Variants in SHC4 observed in about 807,000 individuals in gnomAD.
SHC4 encodes the protein SHC adaptor protein 4, also known as SHC-transforming protein 4.
A neutral mutation model predicts 69.4 loss-of-function variants in SHC4; 41 were observed. The ratio of observed to expected loss-of-function variants is 0.59; its 90% CI spans 0.46 to 0.77. SHC4 has a LOEUF of 0.77. Among genes scored for constraint, SHC4 ranks in the 30% least tolerant of loss-of-function variants. The pLI, the probability that SHC4 is intolerant of heterozygous loss-of-function variation, is 0.00. For synonymous variants in SHC4, 318 were observed against 299.3 expected, an observed-to-expected ratio of 1.06 and a Z score of -0.64; for missense variants, 777 against 783.8, an observed-to-expected ratio of 0.99 and a Z score of 0.10.
At chr15:48,907,835 T>C (rs1245895330) in intron 2 of SHC4, among the ~76,000 whole-genome samples, 1 of 150,450 alleles carries the variant, frequency 6.6e-6, no homozygotes, top group Non-Finnish European at 1.5e-5. Context: ...TGTGTGTGTG[T>C]GTGTGTATAT....
At chr15:48,957,390 G>C (rs958116648) in intron 1 of SHC4, among the ~76,000 whole-genome samples, 1 of 152,130 alleles carries the variant, frequency 6.6e-6, no homozygotes, top group African/African-American at 2.4e-5. Flanking sequence ...CAAACTCCTA[G>C]ACCTGTATTC....
At chr15:48,954,593 C>A (rs1044633810) in intron 1 of SHC4, among the ~76,000 whole-genome samples, 1 of 152,188 alleles carries the variant, frequency 6.6e-6, no homozygotes, top group African/African-American at 2.4e-5. Flanking sequence ...AGGGGACTAG[C>A]GGATAAACAT....
At chr15:48,848,763 G>A (rs1028151226) in intron 9 of SHC4, among the ~76,000 whole-genome samples, 2 of 152,072 alleles carry the variant, frequency 1.3e-5, no homozygotes, top group Non-Finnish European at 2.9e-5. Flanking sequence ...TTGAATTAAC[G>A]TTAAAATACT....
Position 48,825,148 on chromosome 15 carries a change from T to C in SHC4, c.*823A>G, listed in dbSNP as rs1567045843. On this transcript the variant is annotated 3_prime_UTR_variant, in exon 12 of 12. Coordinates refer to ENST00000332408, the MANE Select transcript of SHC4 (RefSeq NM_203349.4). ...CTTTTAAATCCATGCACTCATGAGG[T>C]TTTTTTTGTTTTTTTTGTTTTTTGT... 1 of 150,240 alleles carries C rather than the reference T, an allele frequency of 6.7e-6. No homozygotes were observed. The highest frequency in any genetic ancestry group is 2.5e-5 in the African/African-American group (1 of 40,518). The allele number at this position is 150,240 out of a possible 1,614,324, so 9.3% of individuals were successfully genotyped here. A position where few individuals can be genotyped will look rare whatever the true frequency, so the allele number is the denominator to read the frequency against.
At chr15:48,837,006 T>A (rs1898911204) in intron 10 of SHC4, among the ~76,000 whole-genome samples, 1 of 152,198 alleles carries the variant, frequency 6.6e-6, no homozygotes, top group South Asian at 2.1e-4. Context: ...GCACAATGGA[T>A]AACTTCTAAT....
In SHC4 at chr15:48,823,741, T is replaced by C. The variant is rs1898642118; in HGVS notation, c.*2230A>G. 6.6e-6 allele frequency: 1 copy of C among 152,240 alleles called. No individual in the cohort carries two copies. Among genetic ancestry groups the C allele is most frequent in the South Asian group, 2.1e-4 (1 of 4,836 alleles). The allele number at this position is 152,240 out of a possible 1,614,324, so 9.4% of individuals were successfully genotyped here. ...CCAAACATCAGACATATTCTGTCAA[T>C]TGTCACAAAGCAATAATCATTTATT... On this transcript the variant is annotated 3_prime_UTR_variant, in exon 12 of 12. Transcript: ENST00000332408.
At chr15:48,843,287 C>A in intron 10 of SHC4, 122 bp downstream of exon 10, 1 of 968,860 alleles carries the variant, frequency 1.0e-6, no homozygotes, top group East Asian at 2.4e-5. Flanking sequence ...AAGGAACCAA[C>A]CCTGCTGACA....
At chr15:48,955,419 C>T (rs900637704) in intron 1 of SHC4, among the ~76,000 whole-genome samples, 1 of 152,028 alleles carries the variant, frequency 6.6e-6, no homozygotes, top group Non-Finnish European at 1.5e-5. Context: ...TGGTTCGGTC[C>T]CTCCATATGA....
chr15:48,946,561 T>C, intron 1 of SHC4: 2 of 982,924 alleles, frequency 2.0e-6, no homozygotes, highest in Non-Finnish European at 2.4e-6. Context: ...GATTCTTACA[T>C]TTTCTGAAGA....
At chr15:48,936,156 A>C (rs1012228976) in intron 1 of SHC4, among the ~76,000 whole-genome samples, 1 of 152,110 alleles carries the variant, frequency 6.6e-6, no homozygotes, top group African/African-American at 2.4e-5. Context: ...ATTTGAATAT[A>C]TATTTTTAAA....
chr15:48,938,701 G>GC (rs80313843), intron 1 of SHC4, among the ~76,000 whole-genome samples: 34,815 of 152,018 alleles, frequency 0.23, 4,145 homozygotes, highest in East Asian at 0.42. Context: ...TACAGCAGAT[G>GC]CCCCAGCCAA....
At chr15:48,902,612 G>A (rs1294336311) in intron 2 of SHC4, among the ~76,000 whole-genome samples, 4 of 152,020 alleles carry the variant, frequency 2.6e-5, no homozygotes, top group African/African-American at 4.8e-5. Context: ...GTGCTCTCTA[G>A]GGGAAGTTGC....
intron 10 of SHC4, among the ~76,000 whole-genome samples, chr15:48,839,681 T>C (rs1039190527): frequency 2.6e-5 from 4 of 152,322 alleles, no homozygotes; most frequent in Middle Eastern, 3.4e-3. Flanking sequence ...CTTATTACTT[T>C]TCCCCCGCTA....
chr15:48,905,336 G>A (rs747451575), intron 2 of SHC4, among the ~76,000 whole-genome samples: 1 of 152,162 alleles, frequency 6.6e-6, no homozygotes, highest in Non-Finnish European at 1.5e-5. Flanking sequence ...CCTTGTGGTT[G>A]CTCCACTGAA....
rs766992250 is a variant in SHC4, at chr15:48,835,340, C to A, written c.1484-318G>T. ...AACTGCAGAGAGAGGCTCTTTATGT[C>A]CTAGGGGTTGCATGTTAAAGAGAAA... On this transcript the variant is annotated intron_variant, in intron 10 of 11. Coordinates refer to ENST00000332408, the MANE Select transcript of SHC4 (RefSeq NM_203349.4). Among the ~76,000 whole-genome samples the A allele has an allele frequency of 2.2e-4, 33 of 152,052 alleles. 1 individual carries two copies. The highest frequency in any genetic ancestry group is 4.3e-4 in the Non-Finnish European group (29 of 68,012).
intron 1 of SHC4, among the ~76,000 whole-genome samples, chr15:48,934,115 T>G (rs534194008): frequency 6.6e-6 from 1 of 152,232 alleles, no homozygotes; most frequent in African/African-American, 2.4e-5. Flanking sequence ...TCTTTTGTGC[T>G]TCAAATGACA....
At chr15:48,834,692 C>T (rs2140967148) in intron 11 of SHC4, 77 bp downstream of exon 11, 2 of 1,565,282 alleles carry the variant, frequency 1.3e-6, no homozygotes, top group Non-Finnish European at 1.7e-6. Flanking sequence ...CTATTCAATA[C>T]CAGGTTTTGG....
chr15:48,841,615 C>G (rs894249113), intron 10 of SHC4, among the ~76,000 whole-genome samples: 1 of 152,184 alleles, frequency 6.6e-6, no homozygotes, highest in African/African-American at 2.4e-5. Flanking sequence ...TAGGACAACT[C>G]CGACAGACCA....
intron 2 of SHC4, among the ~76,000 whole-genome samples, chr15:48,919,738 C>T (rs1016456710): frequency 3.9e-5 from 6 of 152,042 alleles, no homozygotes; most frequent in Admixed American, 3.9e-4. Context: ...GCTCAAATGT[C>T]CTCTCCTTAG....
Sources: allele counts gnomAD v4.1 joint callset (sites outside exome capture counted in the v4.1 genomes callset), GRCh38; gene constraint gnomAD v4.1.1; transcripts MANE v1.5; gene names NCBI Gene and HGNC (gene_info 2026-07-23, HGNC 2026-07-21).